RIPOR3: variants seen among roughly 807,000 people sequenced by gnomAD.
RIPOR3 encodes the protein family with sequence similarity 65 member C.
Under a neutral mutation model 114.3 loss-of-function variants are expected in RIPOR3, and 95 were observed. The observed-to-expected ratio is 0.83, with a 90% CI of 0.70 to 0.99. The LOEUF is 0.99. RIPOR3 is among the 50% of genes least tolerant of loss of function. RIPOR3 has a pLI of 0.00. For missense variants in RIPOR3, 1,252 were observed against 1,266.9 expected (o/e 0.99, Z 0.18); for synonymous variants, 575 against 543.8 (o/e 1.06, Z -0.80).
chr20:50,690,943 A>G (rs904061174), intron 1 of RIPOR3, among the ~76,000 whole-genome samples, 183 bp downstream of exon 1: 1 of 152,212 alleles, frequency 6.6e-6, no homozygotes, highest in African/African-American at 2.4e-5. Context: ...TAACTTGCCT[A>G]AGGCCACACA....
At chr20:50,641,485 C>T (rs1484488075) in intron 1 of RIPOR3, among the ~76,000 whole-genome samples, 1 of 152,188 alleles carries the variant, frequency 6.6e-6, no homozygotes, top group Non-Finnish European at 1.5e-5. Flanking sequence ...TGGACTGAAG[C>T]AGTCCTCCCA....
In RIPOR3 at chr20:50,589,747, G is replaced by T; in HGVS notation, c.2600C>A (p.Ala867Asp). 6.2e-7 allele frequency: 1 copy of T among 1,613,748 alleles called. No individual in the cohort carries two copies. The highest frequency in any genetic ancestry group is 8.5e-7 in the Non-Finnish European group (1 of 1,179,810). ...REKALLFYTN[A>D]LAENDARLQQ... ...GAGCCTTGCGTCGTTCTCTGCCAGGGCGTTGGTGTAGAACAGCAAAGCCTG... is the reference window on the plus strand; with the variant it reads ...GAGCCTTGCGTCGTTCTCTGCCAGGTCGTTGGTGTAGAACAGCAAAGCCTG... Residue 867 changes from alanine (A) to aspartate (D), a missense_variant, in exon 20 of 22, where the codon GCC becomes GAC. Transcript: ENST00000327979.
At chr20:50,665,421 C>CATTTTTT (rs2086152817) in intron 1 of RIPOR3, among the ~76,000 whole-genome samples, 6 of 107,848 alleles carry the variant, frequency 5.6e-5, no homozygotes, top group African/African-American at 2.1e-4. Flanking sequence ...CCCCCTCTTC[C>CATTTTTT]TTTTTTTTTT....
chr20:50,631,052 G>T (rs538737794), intron 1 of RIPOR3, among the ~76,000 whole-genome samples, 196 bp from the exon 2 acceptor site: 1 of 152,278 alleles, frequency 6.6e-6, no homozygotes, highest in Admixed American at 6.5e-5. Context: ...GACAGTGATG[G>T]GAATGGAATT....
At chr20:50,653,223 G>A (rs1013522508) in intron 1 of RIPOR3, 1 of 152,292 alleles carries the variant, frequency 6.6e-6, no homozygotes, top group African/African-American at 2.4e-5. Context: ...GCCACAGAAG[G>A]TATGGCTCCA....
chr20:50,642,795 C>T (rs908851773), intron 1 of RIPOR3, among the ~76,000 whole-genome samples: 1 of 151,926 alleles, frequency 6.6e-6, no homozygotes, highest in Non-Finnish European at 1.5e-5. Flanking sequence ...ACGCCTGTAA[C>T]CCCAGCACTT....
chr20:50,611,334 C>G lies in RIPOR3; in HGVS notation c.349-130G>C, dbSNP rs916280262. The G allele has an allele frequency of 2.5e-5, 29 of 1,151,938 alleles. No homozygotes were observed. In the East Asian group the frequency reaches 6.0e-4, roughly 24 times the overall value. 71.4% of individuals were successfully genotyped at this position (1,151,938 alleles called of 1,614,324 possible). A position where few individuals can be genotyped will look rare whatever the true frequency, so the allele number is the denominator to read the frequency against. ...ACAGAAAGCCATGTCTACAGCCACC[C>G]CCACCCACTCCTTCCTCTGCCAACG... On this transcript the variant is annotated intron_variant, in intron 4 of 21. Coordinates refer to ENST00000327979, the MANE Select transcript of RIPOR3 (RefSeq NM_001290268.2).
At chr20:50,601,015 A>G (rs2083475342) in intron 13 of RIPOR3, among the ~76,000 whole-genome samples, 1 of 152,232 alleles carries the variant, frequency 6.6e-6, no homozygotes, top group African/African-American at 2.4e-5. Flanking sequence ...CTTACACAAA[A>G]GAGGGGAAAA....
intron 1 of RIPOR3, 107 bp from the exon 2 acceptor site, chr20:50,630,963 AGTGT>A: frequency 1.1e-6 from 1 of 871,416 alleles, no homozygotes; most frequent in Non-Finnish European, 1.8e-6. Context: ...ATGGCCCCAG[AGTGT>A]TGTGGGGGCT....
intron 6 of RIPOR3, 34 bp downstream of exon 6, chr20:50,610,819 C>T: frequency 6.2e-7 from 1 of 1,613,914 alleles, no homozygotes; most frequent in Non-Finnish European, 8.5e-7. Context: ...GGCACTGCCC[C>T]ACCCCACCCT....
chr20:50,595,993 C>T (rs759872338), intron 15 of RIPOR3, 147 bp downstream of exon 15: 111 of 1,180,052 alleles, frequency 9.4e-5, no homozygotes, highest in Non-Finnish European at 1.2e-4. Context: ...GCCTCTCTTC[C>T]ACTGGGGAAT....
intron 2 of RIPOR3, chr20:50,621,030 G>C (rs1021838582): frequency 2.0e-6 from 1 of 488,410 alleles, no homozygotes; most frequent in African/African-American, 2.0e-5. Context: ...GAGGAGCCGA[G>C]CCAATGTCCT....
intron 1 of RIPOR3, among the ~76,000 whole-genome samples, chr20:50,654,653 C>G (rs1265814421): frequency 6.6e-6 from 1 of 152,076 alleles, no homozygotes; most frequent in African/African-American, 2.4e-5. Context: ...GCTTTGTCCT[C>G]TCTTATATCA....
At chr20:50,594,145 G>A (rs978903945) in intron 17 of RIPOR3, among the ~76,000 whole-genome samples, 3 of 152,006 alleles carry the variant, frequency 2.0e-5, no homozygotes, top group African/African-American at 7.2e-5. Context: ...GCGTGGTGGT[G>A]CACACCTGTA....
chr20:50,594,922 A>G (rs2083237220), intron 16 of RIPOR3: 3 of 561,580 alleles, frequency 5.3e-6, no homozygotes, highest in Non-Finnish European at 9.4e-6. Flanking sequence ...CAGTCCCCAC[A>G]ACAACCTGGG....
Position 50,626,110 on chromosome 20 carries a change from A to T in RIPOR3, c.122+4628T>A, listed in dbSNP as rs540936516. On this transcript the variant is annotated intron_variant, in intron 2 of 21. Coordinates refer to ENST00000327979, the MANE Select transcript of RIPOR3 (RefSeq NM_001290268.2). The stretch of plus-strand genomic sequence containing the variant: ...CTTCGGCCTGCTCGGGTTACCAGGG[A>T]ACAAGGCCAGAAGGTGGGGCCTGAA... Among the ~76,000 whole-genome samples the T allele has an allele frequency of 4.6e-5, 7 of 152,354 alleles. No individual in the cohort carries two copies. The South Asian group carries it at 1.4e-3, about 32-fold the overall frequency.
rs530553383 is a variant in RIPOR3 at position 50,635,451 on chromosome 20, C to T, written c.4-4595G>A. ...GGCGGATCACTTGAGCCCAGGAGTT[C>T]GAGACCAGCCTGGGTCTCATAGTGA... On this transcript the variant is annotated intron_variant, in intron 1 of 21. Coordinates refer to ENST00000327979, the MANE Select transcript of RIPOR3 (RefSeq NM_001290268.2). Among the ~76,000 whole-genome samples the T allele has an allele frequency of 2.3e-3, 348 of 152,210 alleles. 3 individuals are homozygous for T. Among genetic ancestry groups the T allele is most frequent in the South Asian group, 0.012 (60 of 4,812 alleles).
intron 1 of RIPOR3, among the ~76,000 whole-genome samples, chr20:50,670,886 C>T (rs2086454089): frequency 6.6e-6 from 1 of 152,082 alleles, no homozygotes; most frequent in South Asian, 2.1e-4. Flanking sequence ...AGTGATCCCA[C>T]CTCCTGGCCT....
At chr20:50,671,511 A>G (rs1600739430) in intron 1 of RIPOR3, among the ~76,000 whole-genome samples, 1 of 152,238 alleles carries the variant, frequency 6.6e-6, no homozygotes, top group South Asian at 2.1e-4. Flanking sequence ...TGCTGGAGAT[A>G]CCCACATAGA....
Sources: gnomAD v4.1 joint callset for allele counts (sites outside exome capture counted in the v4.1 genomes callset) on GRCh38, gnomAD v4.1.1 for gene constraint, MANE v1.5 for transcripts, NCBI Gene and HGNC (gene_info 2026-07-23, HGNC 2026-07-21) for gene names.